The following SERP2 variants were observed in gnomAD, a reference collection of about 807,000 sequenced individuals.
SERP2 encodes stress-associated endoplasmic reticulum protein 2.
Under a neutral mutation model 9.1 loss-of-function variants are expected in SERP2, and 6 were observed. The observed-to-expected ratio is 0.66, with a 90% CI of 0.36 to 1.30. The LOEUF is 1.30. SERP2 is among the 50% of genes most tolerant of loss of function. The pLI is 0.03. For synonymous variants in SERP2, 37 were observed against 27.3 expected, an observed-to-expected ratio of 1.35 and a Z score of -1.10; for missense variants, 58 against 81.9, an observed-to-expected ratio of 0.71 and a Z score of 1.13.
At chr13:44,389,946 G>C (rs896419188) in intron 2 of SERP2, among the ~76,000 whole-genome samples, 1 of 152,074 alleles carries the variant, frequency 6.6e-6, no homozygotes, top group Admixed American at 6.5e-5. Context: ...TCCAAATCAC[G>C]AAACTGAGGC....
chr13:44,383,788 T>C (rs1008159268), intron 2 of SERP2, among the ~76,000 whole-genome samples: 7 of 151,740 alleles, frequency 4.6e-5, no homozygotes, highest in African/African-American at 1.5e-4. Context: ...CTTGACCTCA[T>C]GATCCGCCCA....
chr13:44,374,177 C>CGGGGGTGGGGGGGGG, intron 1 of SERP2, 68 bp downstream of exon 1: 2 of 151,760 alleles, frequency 1.3e-5, no homozygotes, highest in East Asian at 1.5e-4. Flanking sequence ...AAGGTGGGGG[C>CGGGGGTGGGGGGGGG]GGGGCCGGGC....
At chr13:44,376,294 C>T (rs1871643462) in intron 1 of SERP2, among the ~76,000 whole-genome samples, 1 of 152,188 alleles carries the variant, frequency 6.6e-6, no homozygotes, top group South Asian at 2.1e-4. Flanking sequence ...TTAAAAGTAA[C>T]TTGCAAAAGA....
chr13:44,379,796 T>G, intron 2 of SERP2, 83 bp downstream of exon 2: 1 of 892,656 alleles, frequency 1.1e-6, no homozygotes, highest in African/African-American at 1.7e-5. Context: ...AGCAAATAGA[T>G]GAAAAACATA....
intron 1 of SERP2, 62 bp downstream of exon 1, chr13:44,374,171 T>TGGGGGGGGG: frequency 2.1e-5 from 2 of 94,468 alleles, no homozygotes; most frequent in East Asian, 2.0e-4. Context: ...GGGCGGAAGG[T>TGGGGGGGGG]GGGGGCGGGG....
Position 44,397,295 on chromosome 13 carries a change from A to T in SERP2, c.181A>T (p.Ile61Leu), listed in dbSNP as rs1873169993. 1 of 1,613,840 alleles carries T rather than the reference A, an allele frequency of 6.2e-7. No individual in the cohort carries two copies. Among genetic ancestry groups the T allele is most frequent in the Non-Finnish European group, 8.5e-7 (1 of 1,179,742 alleles). The stretch of plus-strand genomic sequence containing the variant: ...AGCTATCTTTCAGATCATTCAGAGC[A>T]TAAGGATGGGCATGTGAGAAAGCCA... ...GSAIFQIIQSIRMGM is the reference protein window; with the variant it reads ...GSAIFQIIQSLRMGM Residue 61 changes from isoleucine (I) to leucine (L), a missense_variant, in exon 3 of 3, where the codon ATA becomes TTA. Transcript: ENST00000379179.
chr13:44,389,671 G>A (rs1475559495), intron 2 of SERP2, among the ~76,000 whole-genome samples: 5 of 152,274 alleles, frequency 3.3e-5, no homozygotes, highest in South Asian at 4.1e-4. Context: ...TCCATGAGCC[G>A]AGACCAGCAG....
At chr13:44,382,581 C>T (rs1360792277) in intron 2 of SERP2, among the ~76,000 whole-genome samples, 2 of 152,020 alleles carry the variant, frequency 1.3e-5, no homozygotes, top group Non-Finnish European at 2.9e-5. Flanking sequence ...GATTGTCAGA[C>T]CTTGAACTTT....
chr13:44,373,938 G>T lies in SERP2; in HGVS notation c.-88G>T, dbSNP rs1871457858. ...CCTGCAGCGCCCGGGTGGGCCGCGGGGGCCTCGGCGGGACGCGCTCGGCCC... is the reference window on the plus strand; with the variant it reads ...CCTGCAGCGCCCGGGTGGGCCGCGGTGGCCTCGGCGGGACGCGCTCGGCCC... On this transcript the variant is annotated 5_prime_UTR_variant, in exon 1 of 3. Transcript: ENST00000379179. The surrounding 1 kb of genome is among the most constrained non-coding windows in gnomAD (Gnocchi z 4.8). 1 of 1,263,946 alleles carries T rather than the reference G, an allele frequency of 7.9e-7. No homozygotes were observed. The highest frequency in any genetic ancestry group is 1.6e-5 in the African/African-American group (1 of 63,828). The allele number at this position is 1,263,946 out of a possible 1,614,324, so 78.3% of individuals were successfully genotyped here.
At chr13:44,383,687 G>T (rs2138785704) in intron 2 of SERP2, among the ~76,000 whole-genome samples, 1 of 150,912 alleles carries the variant, frequency 6.6e-6, no homozygotes, top group East Asian at 1.9e-4. Context: ...AGCTGGAACT[G>T]CAAGCACGCA....
At chr13:44,393,522 G>A (rs907173460) in intron 2 of SERP2, among the ~76,000 whole-genome samples, 5 of 152,110 alleles carry the variant, frequency 3.3e-5, no homozygotes, top group South Asian at 2.1e-4. Context: ...ACCTGCCCAC[G>A]CCCTGATCGC....
chr13:44,394,107 A>C (rs916241841), intron 2 of SERP2, among the ~76,000 whole-genome samples: 3 of 152,094 alleles, frequency 2.0e-5, no homozygotes, highest in Non-Finnish European at 4.4e-5. Flanking sequence ...TGAGACGTGC[A>C]AACTTTATCT....
At chr13:44,388,019 C>T (rs1040206507) in intron 2 of SERP2, among the ~76,000 whole-genome samples, 2 of 152,166 alleles carry the variant, frequency 1.3e-5, no homozygotes, top group Non-Finnish European at 2.9e-5. Flanking sequence ...ACAGGATTAA[C>T]TAGTGACTGT....
At chr13:44,392,585 A>C (rs1872845063) in intron 2 of SERP2, among the ~76,000 whole-genome samples, 1 of 152,104 alleles carries the variant, frequency 6.6e-6, no homozygotes, top group African/African-American at 2.4e-5. Context: ...TCCCAGGTAA[A>C]ATCCACAGGT....
At chr13:44,382,056 T>C (rs1309724626) in intron 2 of SERP2, among the ~76,000 whole-genome samples, 5 of 151,982 alleles carry the variant, frequency 3.3e-5, no homozygotes, top group Non-Finnish European at 7.4e-5. Flanking sequence ...ATATTCCTCA[T>C]ACTGTAGATA....
upstream of SERP2, chr13:44,373,781 G>A: frequency 2.2e-6 from 1 of 460,756 alleles, no homozygotes; most frequent in South Asian, 3.0e-5. This position sits in a 1 kb window ranked among gnomAD's most constrained non-coding sequence, Gnocchi z 4.8. Context: ...GGGACCGGAA[G>A]GATGGCGAGG....
chr13:44,390,430 C>T (rs1202326003), intron 2 of SERP2: 1 of 456,580 alleles, frequency 2.2e-6, no homozygotes, highest in Non-Finnish European at 4.4e-6. Context: ...GAGGGAGTCA[C>T]CCCACCCCCA....
chr13:44,394,751 C>T (rs1461175813), intron 2 of SERP2, among the ~76,000 whole-genome samples: 1 of 152,218 alleles, frequency 6.6e-6, no homozygotes, highest in Non-Finnish European at 1.5e-5. Context: ...AAGTTCACAG[C>T]TTTGTAGGCT....
intron 2 of SERP2, among the ~76,000 whole-genome samples, chr13:44,381,114 G>A (rs1219523222): frequency 1.3e-5 from 2 of 152,012 alleles, no homozygotes; most frequent in African/African-American, 2.4e-5. Flanking sequence ...GCGCATGCCT[G>A]TAATCCCAGC....
Sources: allele counts gnomAD v4.1 joint callset (sites outside exome capture counted in the v4.1 genomes callset), GRCh38; gene constraint gnomAD v4.1.1; non-coding constraint Gnocchi (gnomAD v3.1); transcripts MANE v1.5; gene names NCBI Gene and HGNC (gene_info 2026-07-23, HGNC 2026-07-21).